The following NTN1 variants were observed in gnomAD, a reference collection of about 807,000 sequenced individuals.
NTN1 encodes netrin 1, also known as netrin-1.
In NTN1, 11 loss-of-function variants were observed where a neutral mutation model predicts 54.2. The ratio of observed to expected loss-of-function variants is 0.20; its 90% CI spans 0.13 to 0.34. NTN1 has a LOEUF of 0.34. Among genes scored for constraint, NTN1 ranks in the 10% least tolerant of loss-of-function variants. The probability of loss-of-function intolerance (pLI) is 1.00; values close to 1 mark genes in which losing one functional copy is unlikely to be tolerated. For missense variants in NTN1, 740 were observed against 893.1 expected, an observed-to-expected ratio of 0.83 and a Z score of 2.18; for synonymous variants, 371 against 382.0, an observed-to-expected ratio of 0.97 and a Z score of 0.33.
At chr17:9,054,035 C>T (rs549035936) in intron 2 of NTN1, among the ~76,000 whole-genome samples, 3 of 152,220 alleles carry the variant, frequency 2.0e-5, no homozygotes, top group East Asian at 3.9e-4. Flanking sequence ...CAGGGATCCC[C>T]GTTGGGTGCC....
At chr17:9,083,425 G>T (rs778172776) in intron 2 of NTN1, among the ~76,000 whole-genome samples, 1 of 152,216 alleles carries the variant, frequency 6.6e-6, no homozygotes, top group Non-Finnish European at 1.5e-5. Flanking sequence ...ATCCAGTCAG[G>T]ATGATTCCAT....
At chr17:9,074,162 C>T (rs537240041) in intron 2 of NTN1, among the ~76,000 whole-genome samples, 20 of 152,290 alleles carry the variant, frequency 1.3e-4, no homozygotes, top group Non-Finnish European at 2.5e-4. Context: ...GCAGTGGTGC[C>T]GGCTCTCGCG....
At chr17:9,167,561 C>A (rs1439086988) in intron 3 of NTN1, among the ~76,000 whole-genome samples, 2 of 152,200 alleles carry the variant, frequency 1.3e-5, no homozygotes, top group Non-Finnish European at 2.9e-5. Flanking sequence ...TGTCTTTCCC[C>A]CTTTCAAGCC....
chr17:9,140,248 G>A (rs976117716), intron 2 of NTN1, among the ~76,000 whole-genome samples: 2 of 152,142 alleles, frequency 1.3e-5, no homozygotes, highest in Non-Finnish European at 2.9e-5. Context: ...AAAGGTGGAG[G>A]TCATTGTGAG....
chr17:9,116,854 A>G (rs1444118868), intron 2 of NTN1, among the ~76,000 whole-genome samples: 1 of 152,112 alleles, frequency 6.6e-6, no homozygotes, highest in Non-Finnish European at 1.5e-5. Context: ...ATTCCACTCT[A>G]TGAAAGGACG....
intron 2 of NTN1, among the ~76,000 whole-genome samples, chr17:9,146,006 A>G (rs946075472): frequency 2.0e-5 from 3 of 152,064 alleles, no homozygotes; most frequent in African/African-American, 7.2e-5. Flanking sequence ...GCGGGCTGGA[A>G]GAAGATAAGG....
At chr17:9,133,247 G>A (rs930342505) in intron 2 of NTN1, among the ~76,000 whole-genome samples, 2 of 152,328 alleles carry the variant, frequency 1.3e-5, no homozygotes, top group South Asian at 4.1e-4. Flanking sequence ...AGAATCTACT[G>A]GAGGCCTCAG....
At position 9,221,054 on chromosome 17, in the gene NTN1, T is replaced by C. The variant is rs1597545196; in HGVS notation, c.1412-114T>C. ...CCGCCTGCCCGCCCGGCCTGGCCCA[T>C]GGGTATCACAGGCCTCTGGCTATTT... On this transcript the variant is annotated intron_variant, in intron 5 of 6. Coordinates refer to ENST00000173229, the MANE Select transcript of NTN1 (RefSeq NM_004822.3). This position sits in a 1 kb window ranked among gnomAD's most constrained non-coding sequence, Gnocchi z 4.5. 2.5e-6 allele frequency: 2 copies of C among 815,326 alleles called. No individual in the cohort carries two copies. The highest frequency in any genetic ancestry group is 4.8e-5 in the East Asian group (2 of 41,344). 50.5% of individuals were successfully genotyped at this position (815,326 alleles called of 1,614,324 possible).
At chr17:9,204,224 T>TCCTTCC (rs1361844821) in intron 5 of NTN1, among the ~76,000 whole-genome samples, 1 of 110,224 alleles carries the variant, frequency 9.1e-6, no homozygotes, top group African/African-American at 4.6e-5. Context: ...TCCTTCCTTT[T>TCCTTCC]CTTTCTCTTC....
At chr17:9,224,210 C>T (rs1291983339) in intron 6 of NTN1, among the ~76,000 whole-genome samples, 2 of 152,174 alleles carry the variant, frequency 1.3e-5, no homozygotes, top group Non-Finnish European at 2.9e-5. Flanking sequence ...CCAGGGGGCA[C>T]CTTGGCCCCT....
chr17:9,031,059 C>T (rs2091887100), intron 2 of NTN1, among the ~76,000 whole-genome samples: 1 of 152,142 alleles, frequency 6.6e-6, no homozygotes, highest in Non-Finnish European at 1.5e-5. Flanking sequence ...TTTCCCGTGT[C>T]TTTTTCTGCC....
chr17:9,026,758 A>C (rs2091872560), intron 2 of NTN1, among the ~76,000 whole-genome samples: 1 of 151,098 alleles, frequency 6.6e-6, no homozygotes, highest in Admixed American at 6.7e-5. Flanking sequence ...GAGCTGTGTT[A>C]GTATCTAGTA....
chr17:9,227,616 TAC>T (rs71970937), intron 6 of NTN1, among the ~76,000 whole-genome samples: 115,342 of 146,486 alleles, frequency 0.79, 45,061 homozygotes, highest in East Asian at 0.85. Flanking sequence ...ACACATCAGA[TAC>T]ACAGACTATC....
chr17:9,203,411 C>G (rs573952416), intron 5 of NTN1, among the ~76,000 whole-genome samples: 1 of 152,202 alleles, frequency 6.6e-6, no homozygotes, highest in South Asian at 2.1e-4. Flanking sequence ...AGGTTTCTAT[C>G]ATACCTTCCA....
chr17:9,071,410 T>A (rs1483286226), intron 2 of NTN1, among the ~76,000 whole-genome samples: 2 of 152,170 alleles, frequency 1.3e-5, no homozygotes, highest in African/African-American at 4.8e-5. Context: ...TTCTCAGTAA[T>A]TAGACTCTGT....
rs772657250 is a variant in NTN1, at chr17:9,072,948, C to T, written c.1018+49557C>T. Among the ~76,000 whole-genome samples, 92 of 152,206 alleles carry T rather than the reference C, an allele frequency of 6.0e-4. 2 individuals carry two copies. The highest frequency in any genetic ancestry group is 1.5e-4 in the Non-Finnish European group (10 of 68,042). On this transcript the variant is annotated intron_variant, in intron 2 of 6. Transcript: ENST00000173229. Reference sequence around the variant, plus strand: ...TTTTTTCTTCCTCTTTCCTTCCCCACCCTCCTGTAGCAGGGAGTTGGTTCT... The same window carrying T: ...TTTTTTCTTCCTCTTTCCTTCCCCATCCTCCTGTAGCAGGGAGTTGGTTCT...
intron 2 of NTN1, among the ~76,000 whole-genome samples, chr17:9,158,106 G>A (rs2142294840): frequency 6.6e-6 from 1 of 152,350 alleles, no homozygotes; most frequent in Non-Finnish European, 1.5e-5. Flanking sequence ...ATACTTTGCA[G>A]AAGTCTGAGC....
At chr17:9,050,186 G>T (rs1410967183) in intron 2 of NTN1, among the ~76,000 whole-genome samples, 1 of 151,820 alleles carries the variant, frequency 6.6e-6, no homozygotes, top group Non-Finnish European at 1.5e-5. Flanking sequence ...GGCAGAGCTT[G>T]CAGTGAGCTG....
chr17:9,147,486 C>T (rs2092317140), intron 2 of NTN1, among the ~76,000 whole-genome samples: 1 of 152,156 alleles, frequency 6.6e-6, no homozygotes, highest in African/African-American at 2.4e-5. Context: ...TGCACTCCAG[C>T]CTGGGCGACA....
Sources: gnomAD v4.1 joint callset for allele counts (sites outside exome capture counted in the v4.1 genomes callset) on GRCh38, gnomAD v4.1.1 for gene constraint, Gnocchi (gnomAD v3.1) non-coding constraint, MANE v1.5 for transcripts, NCBI Gene and HGNC (gene_info 2026-07-23, HGNC 2026-07-21) for gene names.